The following SHANK1 variants were observed in gnomAD, a reference collection of about 807,000 sequenced individuals.
SHANK1 encodes SH3 and multiple ankyrin repeat domains 1.
A neutral mutation model predicts 165.6 loss-of-function variants in SHANK1; 35 were observed. The ratio of observed to expected loss-of-function variants is 0.21; its 90% CI spans 0.16 to 0.28. The LOEUF is 0.28. Ranked by LOEUF, SHANK1 falls within the 10% of genes least tolerant of loss-of-function variation. SHANK1 has a pLI of 1.00. For synonymous variants in SHANK1, 1,428 were observed against 1,384.8 expected (o/e 1.03, Z -0.69); for missense variants, 2,681 against 3,036.4 (o/e 0.88, Z 2.75).
intron 8 of SHANK1, among the ~76,000 whole-genome samples, chr19:50,709,148 TA>T (rs2088978534): frequency 6.6e-6 from 1 of 152,260 alleles, no homozygotes; most frequent in South Asian, 2.1e-4. Flanking sequence ...TTTATTTATT[TA>T]TTTTTTTGAG....
At position 50,669,053 on chromosome 19, in the gene SHANK1, G is replaced by A. The variant is rs977723579; in HGVS notation, c.2907C>T (p.Ser969=). 1.5e-5 allele frequency: 15 copies of A among 1,003,386 alleles called. No homozygotes were observed. The highest frequency in any genetic ancestry group is 1.7e-5 in the African/African-American group (1 of 60,296). 62.2% of individuals were successfully genotyped at this position (1,003,386 alleles called of 1,614,324 possible). A position where few individuals can be genotyped will look rare whatever the true frequency, so the allele number is the denominator to read the frequency against. ...TGTCGGGAGGGGAGGGCCCGTCAAA[G>A]GATGCAGGGGAGGAGGCGGGGAGGG... ...GGPLPASSPA[S]FDGPSPPDTR... Residue 969 remains serine, a synonymous_variant, in exon 23 of 24, where the codon TCC becomes TCT. Coordinates refer to ENST00000293441, the MANE Select transcript of SHANK1 (RefSeq NM_016148.5).
Position 50,667,828 on chromosome 19 carries a change from G to T in SHANK1, c.4132C>A (p.Pro1378Thr). The T allele has an allele frequency of 2.3e-6, 3 of 1,299,540 alleles. No individual in the cohort carries two copies. The highest frequency in any genetic ancestry group is 1.9e-6 in the Non-Finnish European group (2 of 1,028,604). The allele number at this position is 1,299,540 out of a possible 1,614,324, so 80.5% of individuals were successfully genotyped here. Residue 1378 changes from proline to threonine, a missense_variant, in exon 23 of 24, where the codon CCC becomes ACC. This residue lies in a region of SHANK1 where 1,713 missense variants were observed against 1,630.2 expected (regional missense o/e 1.05). Transcript: ENST00000293441. This position sits in a 1 kb window ranked among gnomAD's most constrained non-coding sequence, Gnocchi z 5.7. ...SEGGGAPQPP[P>T]RPPSPRYEAP... Reference sequence around the variant, plus strand: ...TCGTAGCGGGGCGATGGGGGCCTGGGAGGCGGCTGGGGGGCCCCGCCGCCC... The same window carrying T: ...TCGTAGCGGGGCGATGGGGGCCTGGTAGGCGGCTGGGGGGCCCCGCCGCCC...
chr19:50,677,971 C>G (rs1284325989), intron 21 of SHANK1, among the ~76,000 whole-genome samples: 1 of 152,146 alleles, frequency 6.6e-6, no homozygotes, highest in East Asian at 1.9e-4. Context: ...TGTGTGGTAT[C>G]AGAGAGCAGA....
At chr19:50,712,901 A>G (rs1027787905) in intron 6 of SHANK1, among the ~76,000 whole-genome samples, 47 of 152,194 alleles carry the variant, frequency 3.1e-4, no homozygotes, top group African/African-American at 1.1e-3. Flanking sequence ...AAACAGCCCC[A>G]GGTGGCCAGT....
At chr19:50,712,217 A>G in intron 6 of SHANK1, 103 bp from the exon 7 acceptor site, 3 of 1,219,820 alleles carry the variant, frequency 2.5e-6, no homozygotes, top group Non-Finnish European at 3.4e-6. Flanking sequence ...TGGGTGACCT[A>G]CAGTGGCCAA....
chr19:50,719,444 C>G lies in SHANK1; in HGVS notation c.-82G>C, dbSNP rs1467550243. On this transcript the variant is annotated 5_prime_UTR_variant, in exon 1 of 24. Transcript: ENST00000293441. ...CTGCTGAGTCCCGGTCGGCGGCGCC[C>G]GCGGCCCCTCCCCCCTCCCCCCACC... 1 of 142,924 alleles carries G rather than the reference C, an allele frequency of 7.0e-6. No homozygotes were observed. 8.9% of individuals were successfully genotyped at this position (142,924 alleles called of 1,614,324 possible).
intron 15 of SHANK1, among the ~76,000 whole-genome samples, chr19:50,691,983 C>A (rs867559150): frequency 2.6e-5 from 4 of 152,156 alleles, no homozygotes; most frequent in Admixed American, 6.5e-5. Flanking sequence ...CCACACCCAG[C>A]CCTAGTTTCA....
Position 50,661,431 on chromosome 19 carries a change from GGGGAGAGAGGTGAGCA to G in SHANK1, c.*518_*533del, listed in dbSNP as rs890502750. On this transcript the variant is annotated 3_prime_UTR_variant, in exon 24 of 24. Transcript: ENST00000293441. ...GCAAAATTGCAGCCCGGGGACGGGA[GGGGAGAGAGGTGAGCA>G]GGCGTGCAACGGAGCGTGCAAGAGG... 2.6e-5 allele frequency among the ~76,000 whole-genome samples: 4 copies of G among 151,900 alleles called. No individual in the cohort carries two copies. Among genetic ancestry groups the G allele is most frequent in the Non-Finnish European group, 5.9e-5 (4 of 67,946 alleles).
At chr19:50,672,172 G>A (rs1219583406) in intron 21 of SHANK1, 58 bp from the exon 22 acceptor site, 24 of 1,374,606 alleles carry the variant, frequency 1.7e-5, no homozygotes, top group Admixed American at 7.5e-5. Context: ...ATCAGTCAGC[G>A]CAGAAAGGCT....
At position 50,662,163 on chromosome 19, in the gene SHANK1, C is replaced by T. The variant is rs10422259; in HGVS notation, c.6288G>A (p.Gly2096=). The T allele has an allele frequency of 2.7e-3, 4,352 of 1,612,450 alleles. 104 individuals carry two copies. The African/African-American group carries it at 0.048, about 18-fold the overall frequency. ...PDKPFGAKPL[G]FWTKFDVADW... is the part of the protein sequence containing the mutation. ...CAGCCACGTCGAACTTGGTCCAGAA[C>T]CCCAGAGGTTTAGCGCCAAACGGCT... Residue 2096 remains glycine, a synonymous_variant, in exon 24 of 24, where the codon GGG becomes GGA. Coordinates refer to ENST00000293441, the MANE Select transcript of SHANK1 (RefSeq NM_016148.5). This position sits in a 1 kb window ranked among gnomAD's most constrained non-coding sequence, Gnocchi z 7.7.
chr19:50,714,567 C>T (rs972044841), intron 4 of SHANK1, among the ~76,000 whole-genome samples: 6 of 151,750 alleles, frequency 4.0e-5, no homozygotes, highest in Non-Finnish European at 5.9e-5. Context: ...TGGTGGCACA[C>T]GCCTGTAGTC....
chr19:50,694,212 C>T (rs1266584524), intron 15 of SHANK1, among the ~76,000 whole-genome samples: 1 of 151,868 alleles, frequency 6.6e-6, no homozygotes, highest in Admixed American at 6.6e-5. Context: ...CACACGCACG[C>T]GGCTGCAGGC....
intron 8 of SHANK1, among the ~76,000 whole-genome samples, chr19:50,705,982 C>A (rs1025120539): frequency 1.3e-5 from 2 of 152,196 alleles, no homozygotes; most frequent in African/African-American, 4.8e-5. Context: ...CATGGCGAAA[C>A]CCCGTCTGTA....
intron 23 of SHANK1, among the ~76,000 whole-genome samples, chr19:50,664,130 T>C (rs1010069140): frequency 8.0e-4 from 121 of 151,116 alleles, no homozygotes; most frequent in Admixed American, 2.6e-3. Context: ...TTCTTTTTTT[T>C]TTTTTTTCAA....
chr19:50,695,363 G>A (rs1208817744), intron 15 of SHANK1, among the ~76,000 whole-genome samples: 2 of 146,648 alleles, frequency 1.4e-5, no homozygotes, highest in Admixed American at 6.7e-5. Flanking sequence ...CGGGCGCGAG[G>A]CTTAACCCCT....
intron 21 of SHANK1, among the ~76,000 whole-genome samples, chr19:50,676,980 AT>A (rs1200604947): frequency 1.3e-5 from 2 of 152,040 alleles, no homozygotes; most frequent in Non-Finnish European, 2.9e-5. Flanking sequence ...TGCTGGTGCA[AT>A]AGCTAGAGCT....
At chr19:50,663,938 C>CT (rs1454041752) in intron 23 of SHANK1, among the ~76,000 whole-genome samples, 6 of 37,100 alleles carry the variant, frequency 1.6e-4, no homozygotes, top group African/African-American at 2.8e-4. Flanking sequence ...CTCTCTCTCT[C>CT]TCTTTTTTTT....
In SHANK1 at chr19:50,687,631, TG is replaced by T; in HGVS notation, c.2339del (p.Pro780GlnfsTer10). ...TAGATTTGGAACGCAGGGAGATGGTTGGGGGCGGCAGCCGCTTGGCCTGCTG... is the reference window on the plus strand; with the variant it reads ...TAGATTTGGAACGCAGGGAGATGGTTGGGGCGGCAGCCGCTTGGCCTGCTG... ...APQQAKRLPPPTISLRSKSMT... is the reference protein window; with the variant it reads ...APQQAKRLPPXTISLRSKSMT... On this transcript the variant is annotated frameshift_variant, in exon 19 of 24. Coordinates refer to ENST00000293441, the MANE Select transcript of SHANK1 (RefSeq NM_016148.5). LOFTEE classifies it high-confidence loss of function. 2 of 1,527,912 alleles carry T rather than the reference TG, an allele frequency of 1.3e-6. No homozygotes were observed. The highest frequency in any genetic ancestry group is 1.3e-5 in the South Asian group (1 of 79,680). 94.6% of individuals were successfully genotyped at this position (1,527,912 alleles called of 1,614,324 possible).
At chr19:50,682,445 G>C (rs1986209366) in intron 21 of SHANK1, among the ~76,000 whole-genome samples, 1 of 152,160 alleles carries the variant, frequency 6.6e-6, no homozygotes. Context: ...ATAAGAACTG[G>C]GCAAGTTTCA....
Sources: gnomAD v4.1 joint callset for allele counts (sites outside exome capture counted in the v4.1 genomes callset) on GRCh38, gnomAD v4.1.1 for gene constraint, gnomAD v4.1.1 regional missense constraint, Gnocchi (gnomAD v3.1) non-coding constraint, MANE v1.5 for transcripts, NCBI Gene and HGNC (gene_info 2026-07-23, HGNC 2026-07-21) for gene names.